Variants in EFR3B observed in about 807,000 individuals in gnomAD.
EFR3B encodes the protein EFR3 homolog B.
In EFR3B, 64 loss-of-function variants were observed where a neutral mutation model predicts 104.7. That is an observed-to-expected ratio of 0.61 (90% CI 0.50 to 0.75). The LOEUF (loss-of-function observed/expected upper bound fraction) is 0.75, where lower values mean the gene tolerates loss of function less well. Among genes scored for constraint, EFR3B ranks in the 30% least tolerant of loss-of-function variants. The pLI is 0.00. For synonymous variants in EFR3B, 385 were observed against 417.9 expected, an observed-to-expected ratio of 0.92 and a Z score of 0.96; for missense variants, 750 against 1,078.5, an observed-to-expected ratio of 0.70 and a Z score of 4.27.
At chr2:25,102,575 C>T (rs958717) in intron 3 of EFR3B, among the ~76,000 whole-genome samples, 36,002 of 152,016 alleles carry the variant, frequency 0.24, 5,571 homozygotes, top group East Asian at 0.52. Context: ...ATCACAAGAA[C>T]AGTATGGGGA....
rs1384693600 is a variant in EFR3B, at chr2:25,130,426, T to G, written c.771-126T>G. ...GGACTACCCCAAGGCCCTTCAGGCTTCACTTCCTCACCCGGGAACTGTGCG... is the reference window on the plus strand; with the variant it reads ...GGACTACCCCAAGGCCCTTCAGGCTGCACTTCCTCACCCGGGAACTGTGCG... On this transcript the variant is annotated intron_variant, in intron 7 of 22. Transcript: ENST00000403714. This position sits in a 1 kb window ranked among gnomAD's most constrained non-coding sequence, Gnocchi z 4.6. The G allele has an allele frequency of 1.1e-6, 1 of 914,636 alleles. No individual in the cohort carries two copies. Among genetic ancestry groups the G allele is most frequent in the African/African-American group, 1.6e-5 (1 of 60,784 alleles). The allele number at this position is 914,636 out of a possible 1,614,324, so 56.7% of individuals were successfully genotyped here.
At chr2:25,118,324 G>C (rs1039263899) in intron 4 of EFR3B, among the ~76,000 whole-genome samples, 2 of 152,218 alleles carry the variant, frequency 1.3e-5, no homozygotes, top group South Asian at 4.1e-4. Flanking sequence ...AGATCAGGCA[G>C]TGTTTGTCTT....
chr2:25,149,572 A>G, intron 19 of EFR3B, 122 bp from the exon 20 acceptor site: 2 of 973,050 alleles, frequency 2.1e-6, no homozygotes, highest in Non-Finnish European at 3.2e-6. Context: ...GTCCTGAGGG[A>G]CTTCCTGCCC....
At chr2:25,135,759 A>G in intron 13 of EFR3B, 120 bp downstream of exon 13, 1 of 1,178,626 alleles carries the variant, frequency 8.5e-7, no homozygotes, top group Non-Finnish European at 1.2e-6. Context: ...GTATTGTGGG[A>G]TCTGAGTATC....
At chr2:25,115,482 C>G (rs953965852) in intron 4 of EFR3B, among the ~76,000 whole-genome samples, 1 of 152,202 alleles carries the variant, frequency 6.6e-6, no homozygotes, top group Non-Finnish European at 1.5e-5. Flanking sequence ...CTGCTAAACT[C>G]ACTAGTTTGC....
chr2:25,088,783 C>G (rs915768594), intron 1 of EFR3B, among the ~76,000 whole-genome samples: 6 of 152,198 alleles, frequency 3.9e-5, no homozygotes, highest in African/African-American at 1.4e-4. Flanking sequence ...ACCTGAGAGC[C>G]CATGCTGTTG....
At chr2:25,059,387 A>G (rs1668116885) in intron 1 of EFR3B, among the ~76,000 whole-genome samples, 1 of 152,080 alleles carries the variant, frequency 6.6e-6, no homozygotes, top group Non-Finnish European at 1.5e-5. Context: ...CCCGGCCAAT[A>G]TTCAGTCTTA....
In EFR3B at chr2:25,136,184, G is replaced by A. The variant is rs1670510456; in HGVS notation, c.1485-339G>A. Among the ~76,000 whole-genome samples the A allele has an allele frequency of 6.6e-6, 1 of 152,076 alleles. No individual in the cohort carries two copies. The highest frequency in any genetic ancestry group is 2.1e-4 in the South Asian group (1 of 4,830). On this transcript the variant is annotated intron_variant, in intron 13 of 22. Transcript: ENST00000403714. The surrounding 1 kb of genome is among the most constrained non-coding windows in gnomAD (Gnocchi z 4.0). ...AATTTAAAAATTAGCCGAGTGTGGTGGCTCACACCTGTGGTCCCAGCTCTT... is the reference window on the plus strand; with the variant it reads ...AATTTAAAAATTAGCCGAGTGTGGTAGCTCACACCTGTGGTCCCAGCTCTT...
At chr2:25,106,399 T>C (rs1046687232) in intron 4 of EFR3B, among the ~76,000 whole-genome samples, 2 of 151,820 alleles carry the variant, frequency 1.3e-5, no homozygotes, top group African/African-American at 4.8e-5. Context: ...AAGTGATTCT[T>C]CTACTTCAGC....
intron 21 of EFR3B, 115 bp downstream of exon 21, chr2:25,152,135 AC>A (rs2149215226): frequency 3.4e-6 from 3 of 887,548 alleles, no homozygotes; most frequent in Non-Finnish European, 4.9e-6. Context: ...AACCTCCCCC[AC>A]CCCCACCCTG....
At chr2:25,145,127 T>C (rs1483176118) in intron 19 of EFR3B, 76 bp downstream of exon 19, 2 of 1,339,812 alleles carry the variant, frequency 1.5e-6, no homozygotes, top group Admixed American at 3.9e-5. Context: ...CTCCCCTGCC[T>C]GCATAGTGGG....
intron 1 of EFR3B, among the ~76,000 whole-genome samples, chr2:25,078,702 A>G (rs541795624): frequency 6.6e-5 from 10 of 152,210 alleles, no homozygotes; most frequent in Non-Finnish European, 1.3e-4. Flanking sequence ...CTTCGCCTGA[A>G]CAAGCAGTGG....
chr2:25,150,638 T>TCTCG (rs1444174639), intron 20 of EFR3B, among the ~76,000 whole-genome samples: 4 of 147,854 alleles, frequency 2.7e-5, no homozygotes, highest in Non-Finnish European at 4.5e-5. Flanking sequence ...TGAGACAGAG[T>TCTCG]CTCGCCCTGT....
At chr2:25,062,974 C>T (rs1048295438) in intron 1 of EFR3B, among the ~76,000 whole-genome samples, 17 of 151,904 alleles carry the variant, frequency 1.1e-4, no homozygotes, top group Non-Finnish European at 2.2e-4. Flanking sequence ...CCCAGGCTGG[C>T]GTGTAGTGGC....
At chr2:25,077,552 G>A (rs988495585) in intron 1 of EFR3B, among the ~76,000 whole-genome samples, 2 of 152,214 alleles carry the variant, frequency 1.3e-5, no homozygotes, top group African/African-American at 4.8e-5. Flanking sequence ...GCCTCCCAAA[G>A]TGTTGGGATT....
At chr2:25,148,396 C>T (rs1200874107) in intron 19 of EFR3B, among the ~76,000 whole-genome samples, 1 of 151,680 alleles carries the variant, frequency 6.6e-6, no homozygotes, top group East Asian at 2.0e-4. Context: ...CTGGGATTAC[C>T]GGCACGCGCC....
At chr2:25,052,375 G>C (rs540969251) in intron 1 of EFR3B, among the ~76,000 whole-genome samples, 1 of 151,994 alleles carries the variant, frequency 6.6e-6, no homozygotes, top group African/African-American at 2.4e-5. Flanking sequence ...TTTTTCATTC[G>C]CTTCTTTGTA....
intron 1 of EFR3B, among the ~76,000 whole-genome samples, chr2:25,068,805 G>A (rs1668408734): frequency 6.6e-6 from 1 of 151,140 alleles, no homozygotes; most frequent in Admixed American, 6.6e-5. Flanking sequence ...AATTTTTTGT[G>A]TTTTTAGTAG....
intron 1 of EFR3B, among the ~76,000 whole-genome samples, chr2:25,050,432 C>G (rs1667834293): frequency 6.6e-6 from 1 of 152,054 alleles, no homozygotes; most frequent in Non-Finnish European, 1.5e-5. Flanking sequence ...AAAAAAAGCT[C>G]TGTGTGGGGG....
Sources: allele counts gnomAD v4.1 joint callset (sites outside exome capture counted in the v4.1 genomes callset), GRCh38; gene constraint gnomAD v4.1.1; non-coding constraint Gnocchi (gnomAD v3.1); transcripts MANE v1.5; gene names NCBI Gene and HGNC (gene_info 2026-07-23, HGNC 2026-07-21).